The following SH3RF2 variants were observed in gnomAD, a reference collection of about 807,000 sequenced individuals.
The protein encoded by SH3RF2 is E3 ubiquitin-protein ligase SH3RF2.
In SH3RF2, 43 loss-of-function variants were observed where a neutral mutation model predicts 59.0. The ratio of observed to expected loss-of-function variants is 0.73; its 90% CI spans 0.57 to 0.94. SH3RF2 has a LOEUF of 0.94. Ranked by LOEUF, SH3RF2 falls within the 40% of genes least tolerant of loss-of-function variation. SH3RF2 has a pLI of 0.00. For synonymous variants in SH3RF2, 391 were observed against 391.5 expected (o/e 1.00, Z 0.01); for missense variants, 930 against 940.1 (o/e 0.99, Z 0.14).
intron 2 of SH3RF2, among the ~76,000 whole-genome samples, chr5:145,992,392 T>A (rs987030809): frequency 3.4e-4 from 52 of 152,204 alleles, no homozygotes; most frequent in Non-Finnish European, 8.8e-5. Flanking sequence ...AAAAGAGAAT[T>A]GCAGGCTTGG....
intron 7 of SH3RF2, 196 bp from the exon 8 acceptor site, chr5:146,055,785 T>G: frequency 1.6e-6 from 1 of 615,364 alleles, no homozygotes; most frequent in Non-Finnish European, 2.8e-6. Context: ...CCCTCACAGT[T>G]ATCCGGGTGT....
intron 2 of SH3RF2, among the ~76,000 whole-genome samples, chr5:145,959,448 A>G (rs1384851407): frequency 1.3e-5 from 2 of 152,148 alleles, no homozygotes; most frequent in Non-Finnish European, 1.5e-5. Flanking sequence ...AGCCAGACTA[A>G]GAGCCTATAA....
chr5:145,959,728 C>T (rs1352894138), intron 2 of SH3RF2, among the ~76,000 whole-genome samples: 1 of 150,882 alleles, frequency 6.6e-6, no homozygotes, highest in Admixed American at 6.6e-5. Context: ...GTTCACAGAA[C>T]CTCTAGGAGG....
rs1042907768 is a variant in SH3RF2, at chr5:146,000,259, G to A, written c.580G>A (p.Ala194Thr). 6.2e-7 allele frequency: 1 copy of A among 1,613,822 alleles called. No individual in the cohort carries two copies. Among genetic ancestry groups the A allele is most frequent in the African/African-American group, 1.3e-5 (1 of 75,030 alleles). ...QLPQPPPLCR[A>T]LYNFDLRGKD... Reference sequence around the variant, plus strand: ...GCCCCAGCCGCCCCCGCTCTGCAGGGCCCTCTACAACTTCGACCTACGAGG... The same window carrying A: ...GCCCCAGCCGCCCCCGCTCTGCAGGACCCTCTACAACTTCGACCTACGAGG... The change falls in exon 3 of 10, where the codon GCC becomes ACC. Residue 194 changes from alanine to threonine, a missense_variant. Ala to Thr is a moderately conservative substitution (Grantham distance 58, BLOSUM62 0). Transcript: ENST00000359120.
At chr5:146,033,223 A>G (rs917637521) in intron 5 of SH3RF2, among the ~76,000 whole-genome samples, 1 of 152,200 alleles carries the variant, frequency 6.6e-6, no homozygotes, top group Non-Finnish European at 1.5e-5. Flanking sequence ...TTCTGTAAAC[A>G]TTAGCTCTTG....
chr5:145,970,142 GT>G (rs1759022343), intron 2 of SH3RF2, among the ~76,000 whole-genome samples: 1 of 149,014 alleles, frequency 6.7e-6, no homozygotes, highest in African/African-American at 2.5e-5. Flanking sequence ...TTTTTCAATC[GT>G]TTTTGGAGAA....
chr5:145,948,468 C>T (rs957107735), intron 2 of SH3RF2, among the ~76,000 whole-genome samples: 5 of 152,216 alleles, frequency 3.3e-5, no homozygotes, highest in African/African-American at 1.2e-4. Context: ...GCATGCACAG[C>T]ATAGAGGGAC....
intron 9 of SH3RF2, 111 bp downstream of exon 9, chr5:146,060,335 G>A (rs1402989615): frequency 9.9e-6 from 10 of 1,010,730 alleles, no homozygotes; most frequent in Admixed American, 5.1e-5. Context: ...TTGCAGCCTC[G>A]AAAGAATCCT....
rs1254529463 is a variant in SH3RF2, at chr5:146,063,088, T to C, written c.*387T>C. 1 of 209,382 alleles carries C rather than the reference T, an allele frequency of 4.8e-6. No individual in the cohort carries two copies. The highest frequency in any genetic ancestry group is 9.5e-6 in the Non-Finnish European group (1 of 105,482). The allele number at this position is 209,382 out of a possible 1,614,324, so 13.0% of individuals were successfully genotyped here. ...TGTGACAACGGTGGGATTGTTGGCG[T>C]TGCTTCTTTGACCTTACAATATCCT... On this transcript the variant is annotated 3_prime_UTR_variant, in exon 10 of 10. Coordinates refer to ENST00000359120, the MANE Select transcript of SH3RF2 (RefSeq NM_152550.4).
At chr5:146,003,608 A>G (rs907781731) in intron 3 of SH3RF2, among the ~76,000 whole-genome samples, 2 of 152,192 alleles carry the variant, frequency 1.3e-5, no homozygotes, top group African/African-American at 2.4e-5. Flanking sequence ...CTTTTATAGT[A>G]AGAAAAATCT....
chr5:146,073,917 C>A (rs937106895), intron 9 of SH3RF2, among the ~76,000 whole-genome samples: 2 of 151,866 alleles, frequency 1.3e-5, no homozygotes, highest in Admixed American at 6.6e-5. Context: ...GGATGACATT[C>A]GAGTTGAGAC....
rs148182274 is a variant in SH3RF2 at position 145,955,215 on chromosome 5, C to G, written c.378+16909C>G. Among the ~76,000 whole-genome samples, 62 of 152,242 alleles carry G rather than the reference C, an allele frequency of 4.1e-4. No homozygotes were observed. In the East Asian group the frequency reaches 0.011, roughly 27 times the overall value. On this transcript the variant is annotated intron_variant, in intron 2 of 9. Coordinates refer to ENST00000359120, the MANE Select transcript of SH3RF2 (RefSeq NM_152550.4). ...TCTGATTTTCAGTTCAAAAACTGAC[C>G]TGATTTTCAGTTGGGGAACAAAATC...
chr5:145,973,269 A>C (rs977640717), intron 2 of SH3RF2, among the ~76,000 whole-genome samples: 2 of 152,224 alleles, frequency 1.3e-5, no homozygotes, highest in African/African-American at 4.8e-5. Flanking sequence ...AATGACCCTT[A>C]AGCCAAATTA....
chr5:146,010,456 C>A (rs545928519), intron 4 of SH3RF2, among the ~76,000 whole-genome samples: 1 of 152,118 alleles, frequency 6.6e-6, no homozygotes, highest in Non-Finnish European at 1.5e-5. Context: ...ATCGCCACAC[C>A]GTCTTCCACA....
rs75269885 is a variant in SH3RF2, at chr5:146,077,802, T to C, written c.*34-658T>C. The stretch of plus-strand genomic sequence containing the variant: ...CATACCTCTTTAGTTTCCTTTAATG[T>C]GGAACAGTTCCTCAAGATTCATTTT... On this transcript the variant is annotated intron_variant, in intron 9 of 9. Transcript: ENST00000511217. Among the ~76,000 whole-genome samples, 4 of 152,194 alleles carry C rather than the reference T, an allele frequency of 2.6e-5. No homozygotes were observed. The East Asian group carries it at 7.7e-4, about 29-fold the overall frequency.
intron 2 of SH3RF2, among the ~76,000 whole-genome samples, chr5:145,960,815 T>C (rs989709918): frequency 1.3e-5 from 2 of 152,120 alleles, no homozygotes; most frequent in Non-Finnish European, 2.9e-5. Context: ...GGATGTAAAA[T>C]TGCTATTGGC....
At chr5:146,064,823 A>G (rs1380721945), downstream of SH3RF2, among the ~76,000 whole-genome samples, 481 of 12,658 alleles carry the variant, frequency 0.038, 6 homozygotes, top group African/African-American at 0.043. Flanking sequence ...AAAGAAAGAA[A>G]GAAAGAAAGA....
chr5:146,077,463 T>C (rs1480467838), intron 9 of SH3RF2, among the ~76,000 whole-genome samples: 1 of 152,260 alleles, frequency 6.6e-6, no homozygotes, highest in East Asian at 1.9e-4. Flanking sequence ...AGAGTTCCTG[T>C]AAACTCTCCC....
At chr5:145,995,028 C>T (rs1019910876) in intron 2 of SH3RF2, among the ~76,000 whole-genome samples, 3 of 150,910 alleles carry the variant, frequency 2.0e-5, no homozygotes, top group African/African-American at 7.3e-5. Flanking sequence ...CCTCACAGTT[C>T]ATTCAGCAAG....
Sources: gnomAD v4.1 joint callset for allele counts (sites outside exome capture counted in the v4.1 genomes callset) on GRCh38, gnomAD v4.1.1 for gene constraint, MANE v1.5 for transcripts, NCBI Gene and HGNC (gene_info 2026-07-23, HGNC 2026-07-21) for gene names.